The following PCNX3 variants were observed in gnomAD, a reference collection of about 807,000 sequenced individuals.
The protein encoded by PCNX3 is pecanex 3.
PCNX3 carries 58 observed loss-of-function variants against 207.2 expected under a neutral mutation model. The observed-to-expected ratio is 0.28, with a 90% CI of 0.23 to 0.35. The LOEUF is 0.35. Among genes scored for constraint, PCNX3 ranks in the 10% least tolerant of loss-of-function variants. PCNX3 has a pLI of 1.00. For synonymous variants in PCNX3, 1,337 were observed against 1,183.5 expected (o/e 1.13, Z -2.66); for missense variants, 2,410 against 2,774.4 (o/e 0.87, Z 2.95).
At position 65,616,041 on chromosome 11, in the gene PCNX3, C is replaced by G. The variant is rs1034617589; in HGVS notation, c.-271C>G. On this transcript the variant is annotated 5_prime_UTR_variant, in exon 1 of 35. Coordinates refer to ENST00000355703, the MANE Select transcript of PCNX3 (RefSeq NM_032223.4). ...GCGCCTGCCTGCCGGCTCGGCCCCT[C>G]GGAGCAATTCTGGGCCAGGAGTGGG... The G allele has an allele frequency of 5.5e-5, 15 of 273,398 alleles. No homozygotes were observed. Among genetic ancestry groups the G allele is most frequent in the Non-Finnish European group, 8.9e-5 (13 of 146,802 alleles). 16.9% of individuals were successfully genotyped at this position (273,398 alleles called of 1,614,324 possible). A position where few individuals can be genotyped will look rare whatever the true frequency, so the allele number is the denominator to read the frequency against.
At chr11:65,626,126 TCCTCTCGG>T (rs1855374859) in intron 20 of PCNX3, 72 bp downstream of exon 20, 1 of 1,534,878 alleles carries the variant, frequency 6.5e-7, no homozygotes, top group Non-Finnish European at 8.7e-7. Flanking sequence ...GGAGCTGTGG[TCCTCTCGG>T]CTCAGGAGTG....
chr11:65,619,712 G>T, intron 7 of PCNX3, 42 bp from the exon 8 acceptor site: 2 of 1,562,838 alleles, frequency 1.3e-6, no homozygotes, highest in Non-Finnish European at 1.7e-6. Context: ...GGGAGGGCCC[G>T]CAAGCTCTAG....
At chr11:65,620,027 A>G (rs1855000208) in intron 8 of PCNX3, 95 bp downstream of exon 8, 3 of 1,295,724 alleles carry the variant, frequency 2.3e-6, no homozygotes, top group Non-Finnish European at 2.1e-6. Context: ...GCCCTGTGGC[A>G]GGTACACTGC....
Position 65,620,760 on chromosome 11 carries a change from G to A in PCNX3, c.2100-71G>A. On this transcript the variant is annotated intron_variant, in intron 9 of 34. Coordinates refer to ENST00000355703, the MANE Select transcript of PCNX3 (RefSeq NM_032223.4). The stretch of plus-strand genomic sequence containing the variant: ...AGACAGCCCTACCTGCCTGGCCTTG[G>A]CCTCGGCCTCGACCCCACCCAGCCC... 4 of 1,549,372 alleles carry A rather than the reference G, an allele frequency of 2.6e-6. No homozygotes were observed. The South Asian group carries it at 3.6e-5, about 14-fold the overall frequency.
Position 65,637,207 on chromosome 11 carries a change from C to T in PCNX3, c.*229C>T. Reference sequence around the variant, plus strand: ...GGCTCCCCAGATGGAGGCAGTCAGCCTCCCAGCCAGGCCCTAAGAGCCAAA... The same window carrying T: ...GGCTCCCCAGATGGAGGCAGTCAGCTTCCCAGCCAGGCCCTAAGAGCCAAA... On this transcript the variant is annotated 3_prime_UTR_variant, in exon 35 of 35. Coordinates refer to ENST00000355703, the MANE Select transcript of PCNX3 (RefSeq NM_032223.4). 2 of 575,736 alleles carry T rather than the reference C, an allele frequency of 3.5e-6. No homozygotes were observed. Among genetic ancestry groups the T allele is most frequent in the African/African-American group, 3.7e-5 (2 of 53,528 alleles). 35.7% of individuals were successfully genotyped at this position (575,736 alleles called of 1,614,324 possible). A position where few individuals can be genotyped will look rare whatever the true frequency, so the allele number is the denominator to read the frequency against.
chr11:65,621,294 C>CAGTGTTAGTTAG, intron 10 of PCNX3, among the ~76,000 whole-genome samples: 1 of 152,154 alleles, frequency 6.6e-6, no homozygotes, highest in South Asian at 2.1e-4. Context: ...CAAGCAGGGA[C>CAGTGTTAGTTAG]CCTGTGATGA....
At chr11:65,617,146 A>G (rs933343926) in intron 2 of PCNX3, 104 bp from the exon 3 acceptor site, 3 of 1,399,978 alleles carry the variant, frequency 2.1e-6, no homozygotes, top group Non-Finnish European at 2.9e-6. Context: ...TTAGCCCTGG[A>G]ATTGTAAAGT....
chr11:65,626,745 C>T (rs900075469), intron 20 of PCNX3, 159 bp from the exon 21 acceptor site: 19 of 1,036,670 alleles, frequency 1.8e-5, no homozygotes, highest in African/African-American at 1.5e-4. Context: ...CCTTGCCCTG[C>T]TGGGGCTCGC....
chr11:65,637,071 C>T lies in PCNX3; in HGVS notation c.*93C>T, dbSNP rs893105862. 7.2e-7 allele frequency: 1 copy of T among 1,382,366 alleles called. No individual in the cohort carries two copies. The highest frequency in any genetic ancestry group is 1.3e-5 in the South Asian group (1 of 75,800). 85.6% of individuals were successfully genotyped at this position (1,382,366 alleles called of 1,614,324 possible). ...GGACCACAGAACTGAGTGGCTTTGG[C>T]CTACATGTCTGAACCCTGACCTTTG... On this transcript the variant is annotated 3_prime_UTR_variant, in exon 35 of 35. Coordinates refer to ENST00000355703, the MANE Select transcript of PCNX3 (RefSeq NM_032223.4).
chr11:65,630,254 T>C lies in PCNX3; in HGVS notation c.4217-97T>C, dbSNP rs1855565564. ...CTCCCCTGGCGTCCAAGGGGGTGAA[T>C]GGCAGCAGGCCTCTGATGCCATGTT... On this transcript the variant is annotated intron_variant, in intron 26 of 34. Coordinates refer to ENST00000355703, the MANE Select transcript of PCNX3 (RefSeq NM_032223.4). 12 of 1,486,470 alleles carry C rather than the reference T, an allele frequency of 8.1e-6. No homozygotes were observed. The East Asian group carries it at 2.9e-4, about 36-fold the overall frequency. The allele number at this position is 1,486,470 out of a possible 1,614,324, so 92.1% of individuals were successfully genotyped here.
In PCNX3 at chr11:65,630,321, A is replaced by G. The variant is rs761676456; in HGVS notation, c.4217-30A>G. 3.1e-6 allele frequency: 5 copies of G among 1,606,630 alleles called. No homozygotes were observed. The African/African-American group carries it at 6.7e-5, about 21-fold the overall frequency. On this transcript the variant is annotated intron_variant, in intron 26 of 34. Transcript: ENST00000355703. ...CAGGGCAGGTAGGGATTGTTCTAGCAGCCCCTGACTGCACACCCCTCCTCC... is the reference window on the plus strand; with the variant it reads ...CAGGGCAGGTAGGGATTGTTCTAGCGGCCCCTGACTGCACACCCCTCCTCC...
chr11:65,630,326 C>T (rs750421445), intron 26 of PCNX3, 25 bp from the exon 27 acceptor site: 10 of 1,609,464 alleles, frequency 6.2e-6, no homozygotes, highest in Admixed American at 1.7e-5. Context: ...CTAGCAGCCC[C>T]TGACTGCACA....
intron 28 of PCNX3, 47 bp downstream of exon 28, chr11:65,634,403 G>T: frequency 1.3e-6 from 2 of 1,528,876 alleles, no homozygotes; most frequent in African/African-American, 2.7e-5. Flanking sequence ...GTGGGACCTG[G>T]GCTTCCCTGC....
chr11:65,622,506 C>A (rs1264282260), intron 11 of PCNX3, 140 bp downstream of exon 11: 4 of 1,123,728 alleles, frequency 3.6e-6, no homozygotes, highest in Non-Finnish European at 4.9e-6. Context: ...TGGCTGGAGT[C>A]TGCAGTGGTG....
Position 65,619,817 on chromosome 11 carries a change from T to C in PCNX3, c.1893T>C (p.Ser631=). 1 of 1,601,024 alleles carries C rather than the reference T, an allele frequency of 6.2e-7. No individual in the cohort carries two copies. Among genetic ancestry groups the C allele is most frequent in the East Asian group, 2.2e-5 (1 of 44,690 alleles). Residue 631 remains serine (S), a synonymous_variant, in exon 8 of 35, where the codon TCT becomes TCC. Coordinates refer to ENST00000355703, the MANE Select transcript of PCNX3 (RefSeq NM_032223.4). ...ACTCCCGGGCGCTGACGCTGCCCTC[T>C]GCGCTGCATTTCGCCTCTTCACTGT... ...ASHSRALTLP[S]ALHFASSLLL...
rs368541735 is a variant in PCNX3, at chr11:65,636,583, C to T, written c.5786C>T (p.Ser1929Phe). 1.6e-5 allele frequency: 26 copies of T among 1,594,228 alleles called. No homozygotes were observed. The East Asian group carries it at 4.8e-4, about 29-fold the overall frequency. Reference protein sequence around the residue: ...SRPPGPGLLSSEGPSGKWSLG... With the variant: ...SRPPGPGLLSFEGPSGKWSLG... ...CCCCCTGGCCCGGGTCTCCTCAGTT[C>T]TGAGGGCCCCAGTGGAAAGTGGAGC... The change falls in exon 34 of 35, where the codon TCT becomes TTT. Residue 1929 changes from serine (S) to phenylalanine (F), a missense_variant. Transcript: ENST00000355703.
At chr11:65,633,086 G>A (rs989648629) in intron 27 of PCNX3, among the ~76,000 whole-genome samples, 1 of 152,146 alleles carries the variant, frequency 6.6e-6, no homozygotes, top group African/African-American at 2.4e-5. Flanking sequence ...CTCTGGTGGT[G>A]CCTGGATTGT....
intron 5 of PCNX3, 110 bp from the exon 6 acceptor site, chr11:65,617,830 T>G: frequency 6.9e-7 from 1 of 1,457,330 alleles, no homozygotes; most frequent in Non-Finnish European, 9.3e-7. Context: ...CCCAGTGTGC[T>G]GCTGTGGCTG....
chr11:65,619,819 C>T lies in PCNX3; in HGVS notation c.1895C>T (p.Ala632Val), dbSNP rs1854984799. The change falls in exon 8 of 35, where the codon GCG (alanine) becomes GTG (valine). Residue 632 changes from alanine to valine, a missense_variant. By Grantham distance (64) the Ala-to-Val change is moderately conservative. Coordinates refer to ENST00000355703, the MANE Select transcript of PCNX3 (RefSeq NM_032223.4). ...TCCCGGGCGCTGACGCTGCCCTCTGCGCTGCATTTCGCCTCTTCACTGTTG... is the reference window on the plus strand; with the variant it reads ...TCCCGGGCGCTGACGCTGCCCTCTGTGCTGCATTTCGCCTCTTCACTGTTG... The part of the protein sequence containing the change: ...SHSRALTLPS[A>V]LHFASSLLLT... The T allele has an allele frequency of 1.9e-6, 3 of 1,601,276 alleles. No individual in the cohort carries two copies. The highest frequency in any genetic ancestry group is 1.1e-5 in the South Asian group (1 of 89,882).
Sources: allele counts gnomAD v4.1 joint callset (sites outside exome capture counted in the v4.1 genomes callset), GRCh38; gene constraint gnomAD v4.1.1; transcripts MANE v1.5; gene names NCBI Gene and HGNC (gene_info 2026-07-23, HGNC 2026-07-21).